Variants in BTBD9 observed in about 807,000 individuals in gnomAD.
BTBD9 encodes BTB domain containing 9.
BTBD9 carries 49 observed loss-of-function variants against 64.3 expected under a neutral mutation model. The ratio of observed to expected loss-of-function variants is 0.76; its 90% CI spans 0.61 to 0.97. The LOEUF is 0.97. Among genes scored for constraint, BTBD9 ranks in the 50% least tolerant of loss-of-function variants. The pLI is 0.00. For synonymous variants in BTBD9, 260 were observed against 274.7 expected (o/e 0.95, Z 0.53); for missense variants, 598 against 762.1 (o/e 0.78, Z 2.53).
chr6:38,261,579 T>C (rs2127538220), intron 8 of BTBD9, among the ~76,000 whole-genome samples: 1 of 152,390 alleles, frequency 6.6e-6, no homozygotes, highest in African/African-American at 2.4e-5. Context: ...ATGTATCTTT[T>C]TGTTAATGAC....
At position 38,593,953 on chromosome 6, in the gene BTBD9, A is replaced by T. The variant is rs1250912061; in HGVS notation, c.549+11T>A. The T allele has an allele frequency of 6.2e-7, 1 of 1,603,178 alleles. No individual in the cohort carries two copies. The highest frequency in any genetic ancestry group is 1.1e-5 in the South Asian group (1 of 89,022). On this transcript the variant is annotated intron_variant, in intron 3 of 10. Coordinates refer to ENST00000481247, the MANE Select transcript of BTBD9 (RefSeq NM_001099272.2). ...GCATGCCTATAAATTACTTGTAGAC[A>T]AATGACACACCTTAGAAAGGGAGAG... is the stretch of plus-strand genomic sequence containing the variant.
intron 6 of BTBD9, among the ~76,000 whole-genome samples, chr6:38,410,297 G>A (rs1767362130): frequency 6.6e-6 from 1 of 151,652 alleles, no homozygotes; most frequent in Non-Finnish European, 1.5e-5. Flanking sequence ...AACTGTGTGA[G>A]ACCCCCACAT....
chr6:38,367,663 T>C (rs1292615441), intron 6 of BTBD9, among the ~76,000 whole-genome samples: 2 of 152,246 alleles, frequency 1.3e-5, no homozygotes, highest in East Asian at 3.9e-4. Context: ...CAAATGGTGC[T>C]TTCTTTATCA....
chr6:38,550,322 C>CTTTTT (rs70981562), intron 6 of BTBD9, among the ~76,000 whole-genome samples: 1 of 144,054 alleles, frequency 6.9e-6, no homozygotes, highest in Non-Finnish European at 1.5e-5. Context: ...TTTCTTTTTT[C>CTTTTT]TTTTTTTTTT....
At chr6:38,362,940 A>G (rs1351164576) in intron 6 of BTBD9, among the ~76,000 whole-genome samples, 1 of 152,184 alleles carries the variant, frequency 6.6e-6, no homozygotes, top group Non-Finnish European at 1.5e-5. Flanking sequence ...CAGTAATAGG[A>G]GAGAGTGGCC....
chr6:38,566,687 T>G (rs1447057386), intron 6 of BTBD9, among the ~76,000 whole-genome samples: 2 of 152,234 alleles, frequency 1.3e-5, no homozygotes, highest in East Asian at 3.8e-4. Flanking sequence ...TGTAGTCTAT[T>G]GTTTTGTGTG....
At chr6:38,604,074 G>A (rs1347180899) in intron 1 of BTBD9, among the ~76,000 whole-genome samples, 10 of 152,142 alleles carry the variant, frequency 6.6e-5, no homozygotes, top group South Asian at 2.1e-4. Context: ...AAGACTGACC[G>A]TGCTGCTAGA....
At chr6:38,583,633 T>C (rs985732453) in intron 4 of BTBD9, among the ~76,000 whole-genome samples, 3 of 152,250 alleles carry the variant, frequency 2.0e-5, no homozygotes, top group Admixed American at 6.5e-5. Context: ...AGGGGTAACA[T>C]ACCAGGCACA....
At chr6:38,298,895 G>A (rs974712100) in intron 7 of BTBD9, among the ~76,000 whole-genome samples, 3 of 148,710 alleles carry the variant, frequency 2.0e-5, no homozygotes, top group African/African-American at 7.5e-5. Context: ...TAGGGTACAT[G>A]TGCACAACGT....
intron 1 of BTBD9, among the ~76,000 whole-genome samples, chr6:38,614,177 C>A (rs909489187): frequency 2.0e-5 from 3 of 152,168 alleles, no homozygotes; most frequent in African/African-American, 7.2e-5. Flanking sequence ...TCTTTCAAGG[C>A]TCAGAACAAG....
At chr6:38,240,000 A>G (rs1238026784) in intron 9 of BTBD9, among the ~76,000 whole-genome samples, 1 of 152,242 alleles carries the variant, frequency 6.6e-6, no homozygotes, top group African/African-American at 2.4e-5. Context: ...AGCCAAGGTT[A>G]TTGTTGGCAA....
chr6:38,421,993 A>C (rs767809236), intron 6 of BTBD9, among the ~76,000 whole-genome samples: 15 of 152,342 alleles, frequency 9.8e-5, no homozygotes, highest in Non-Finnish European at 1.6e-4. Flanking sequence ...TAGGATAACT[A>C]ATTAAAAACA....
chr6:38,480,877 A>G (rs1428557309), intron 6 of BTBD9, among the ~76,000 whole-genome samples: 1 of 152,248 alleles, frequency 6.6e-6, no homozygotes, highest in South Asian at 2.1e-4. Flanking sequence ...ACAGGCTGAC[A>G]CTAAGAGATA....
intron 6 of BTBD9, among the ~76,000 whole-genome samples, chr6:38,353,287 TG>T (rs1764594752): frequency 1.3e-5 from 2 of 152,204 alleles, no homozygotes; most frequent in Middle Eastern, 3.2e-3. Context: ...GCTTATTTCA[TG>T]GTTTAGTTTT....
intron 6 of BTBD9, among the ~76,000 whole-genome samples, chr6:38,464,025 G>A (rs571305226): frequency 7.2e-5 from 11 of 151,862 alleles, no homozygotes; most frequent in East Asian, 1.9e-4. Context: ...AAGTGAGACC[G>A]TCTCAAAAAA....
chr6:38,288,397 G>A lies in BTBD9; in HGVS notation c.1329C>T (p.Ser443=). 1 of 1,614,004 alleles carries A rather than the reference G, an allele frequency of 6.2e-7. No individual in the cohort carries two copies. The highest frequency in any genetic ancestry group is 1.3e-5 in the African/African-American group (1 of 74,988). Reference sequence around the variant, plus strand: ...TGTCCCCATTCAGCAAGGCATTTCGGCTCCGACTGACTCCTTCAATCACAC... The same window carrying A: ...TGTCCCCATTCAGCAAGGCATTTCGACTCCGACTGACTCCTTCAATCACAC... ...CASVIEGVSR[S]RNALLNGDTK... is the part of the protein sequence containing the mutation. The change falls in exon 8 of 11, where the codon AGC becomes AGT. Residue 443 remains serine, a synonymous_variant. Coordinates refer to ENST00000481247, the MANE Select transcript of BTBD9 (RefSeq NM_001099272.2).
At chr6:38,619,220 TCCCAAAAGCTAG>T (rs1354162933) in intron 1 of BTBD9, among the ~76,000 whole-genome samples, 1 of 151,994 alleles carries the variant, frequency 6.6e-6, no homozygotes, top group Non-Finnish European at 1.5e-5. Flanking sequence ...AGGAGAAAGC[TCCCAAAAGCTAG>T]CCCTGGGCCC....
chr6:38,207,602 G>C (rs561906395), intron 9 of BTBD9, among the ~76,000 whole-genome samples: 4 of 152,068 alleles, frequency 2.6e-5, no homozygotes, highest in Admixed American at 2.0e-4. Context: ...CAGCCTGGGC[G>C]ACAGAGCGAG....
At chr6:38,604,453 C>T (rs1777357607) in intron 1 of BTBD9, among the ~76,000 whole-genome samples, 1 of 152,156 alleles carries the variant, frequency 6.6e-6, no homozygotes, top group Non-Finnish European at 1.5e-5. Flanking sequence ...GTATATGATT[C>T]ATTCAATTAA....
Sources: allele counts gnomAD v4.1 joint callset (sites outside exome capture counted in the v4.1 genomes callset), GRCh38; gene constraint gnomAD v4.1.1; transcripts MANE v1.5; gene names NCBI Gene and HGNC (gene_info 2026-07-23, HGNC 2026-07-21).